COL18A1: variants seen among roughly 807,000 people sequenced by gnomAD.
The protein encoded by COL18A1 is collagen alpha-1(XVIII) chain.
A neutral mutation model predicts 168.0 loss-of-function variants in COL18A1; 133 were observed. The observed-to-expected ratio is 0.79, with a 90% CI of 0.69 to 0.91. The LOEUF (loss-of-function observed/expected upper bound fraction) is 0.91, where lower values mean the gene tolerates loss of function less well. Among genes scored for constraint, COL18A1 ranks in the 40% least tolerant of loss-of-function variants. COL18A1 has a pLI of 0.00. For synonymous variants in COL18A1, 949 were observed against 809.0 expected, an observed-to-expected ratio of 1.17 and a Z score of -2.94; for missense variants, 2,126 against 1,925.4, an observed-to-expected ratio of 1.10 and a Z score of -1.95.
At chr21:45,452,152 C>G (rs950806935) in intron 2 of COL18A1, among the ~76,000 whole-genome samples, 22 of 152,380 alleles carry the variant, frequency 1.4e-4, no homozygotes, top group African/African-American at 5.0e-4. Context: ...CACCCAGATC[C>G]TGGAACGAGC....
intron 2 of COL18A1, among the ~76,000 whole-genome samples, chr21:45,413,582 G>A (rs964877654): frequency 2.0e-5 from 3 of 152,150 alleles, no homozygotes; most frequent in Admixed American, 2.0e-4. Context: ...TTAGCCTCAT[G>A]TGCTGCCTCT....
intron 7 of COL18A1, 59 bp from the exon 8 acceptor site, chr21:45,477,691 G>C: frequency 6.9e-7 from 1 of 1,446,912 alleles, no homozygotes; most frequent in Non-Finnish European, 9.3e-7. Flanking sequence ...AGCGGGACAC[G>C]TGGGCAGGGT....
rs1246653663 is a variant in COL18A1, at chr21:45,423,024, G to T, written c.106+17551G>T. On this transcript the variant is annotated intron_variant, in intron 2 of 41. Transcript: ENST00000651438. The surrounding 1 kb of genome is among the most constrained non-coding windows in gnomAD (Gnocchi z 4.0). Reference sequence around the variant, plus strand: ...AGACAAGGTTTCTCCATGTTGGTCAGGCTGGTCTCTAACTCCCGACCTCAG... The same window carrying T: ...AGACAAGGTTTCTCCATGTTGGTCATGCTGGTCTCTAACTCCCGACCTCAG... 6.6e-6 allele frequency among the ~76,000 whole-genome samples: 1 copy of T among 152,104 alleles called. No homozygotes were observed. Among genetic ancestry groups the T allele is most frequent in the Non-Finnish European group, 1.5e-5 (1 of 68,020 alleles).
Position 45,509,088 on chromosome 21 carries a change from AC to A in COL18A1, c.3250-267del, listed in dbSNP as rs552745686. On this transcript the variant is annotated intron_variant, in intron 38 of 41. Coordinates refer to ENST00000651438, the MANE Select transcript of COL18A1 (RefSeq NM_001379500.1). Reference sequence around the variant, plus strand: ...GGCAAAGGAGAGGGCAGGTCAGGGCACGTGGTGAGTGATTGCTGCGGCTTCT... The same window carrying A: ...GGCAAAGGAGAGGGCAGGTCAGGGCAGTGGTGAGTGATTGCTGCGGCTTCT... Among the ~76,000 whole-genome samples, 240 of 152,238 alleles carry A rather than the reference AC, an allele frequency of 1.6e-3. 1 individual carries two copies. Among genetic ancestry groups the A allele is most frequent in the African/African-American group, 5.0e-3 (209 of 41,534 alleles).
intron 2 of COL18A1, chr21:45,408,695 G>C (rs1038662906): frequency 6.6e-6 from 1 of 151,798 alleles, no homozygotes; most frequent in Non-Finnish European, 1.5e-5. Flanking sequence ...CAGGCAGCTC[G>C]GAGAGAGGGG....
At chr21:45,511,856 GGCGGAGCTGGTTCCTA>G (rs2037631060) in intron 41 of COL18A1, among the ~76,000 whole-genome samples, 1 of 152,216 alleles carries the variant, frequency 6.6e-6, no homozygotes, top group African/African-American at 2.4e-5. Context: ...GAGCCCGGGA[GGCGGAGCTGGTTCCTA>G]GCGAGGCAGC....
At chr21:45,493,102 A>C in intron 24 of COL18A1, 61 bp from the exon 25 acceptor site, 1 of 1,478,632 alleles carries the variant, frequency 6.8e-7, no homozygotes, top group Non-Finnish European at 9.2e-7. Context: ...GAGATGGAGC[A>C]GCCGTCGGGG....
In COL18A1 at chr21:45,496,533, C is replaced by A; in HGVS notation, c.2542C>A (p.Pro848Thr). ...MPGPPGPPGP[P>T]GPPGTPVYDS... ...CGGCCCCCCAGGACCTCCAGGGCCC[C>A]CAGGCCCTCCAGGGACTCCTGTTTA... Residue 848 changes from proline (P) to threonine (T), a missense_variant, in exon 30 of 42, where the codon CCA (proline) becomes ACA (threonine). Coordinates refer to ENST00000651438, the MANE Select transcript of COL18A1 (RefSeq NM_001379500.1). The A allele has an allele frequency of 6.5e-7, 1 of 1,528,540 alleles. No individual in the cohort carries two copies. Among genetic ancestry groups the A allele is most frequent in the South Asian group, 1.1e-5 (1 of 89,472 alleles). The allele number at this position is 1,528,540 out of a possible 1,614,324, so 94.7% of individuals were successfully genotyped here.
intron 37 of COL18A1, chr21:45,507,350 G>C (rs2037274410): frequency 1.6e-6 from 1 of 634,924 alleles, no homozygotes; most frequent in African/African-American, 1.8e-5. Context: ...TGGGCAGGGA[G>C]GGCACCCTGC....
chr21:45,511,020 C>CACG (rs2037565496), intron 40 of COL18A1, 91 bp from the exon 41 acceptor site: 1 of 66,496 alleles, frequency 1.5e-5, no homozygotes, highest in Admixed American at 1.9e-4. Context: ...CCCACACATC[C>CACG]ACACCCCACA....
rs1352733288 is a variant in COL18A1, at chr21:45,482,084, G to A, written c.1674+59G>A. 6 of 1,394,712 alleles carry A rather than the reference G, an allele frequency of 4.3e-6. No homozygotes were observed. The East Asian group carries it at 1.4e-4, about 32-fold the overall frequency. 86.4% of individuals were successfully genotyped at this position (1,394,712 alleles called of 1,614,324 possible). On this transcript the variant is annotated intron_variant, in intron 14 of 41. Coordinates refer to ENST00000651438, the MANE Select transcript of COL18A1 (RefSeq NM_001379500.1). ...ACCAGCACCACACCATGTGGCCCGG[G>A]TCCGGGGGTGCCTGGTGACGCCCGT...
In COL18A1 at chr21:45,504,502, C is replaced by G. The variant is rs766026583; in HGVS notation, c.2814C>G (p.Pro938=). ...GCGGTTTCTTCGGCTCCAGCCTGCCCGGCCCCCCCGGCCCCCCAGGCCCCC... is the reference window on the plus strand; with the variant it reads ...GCGGTTTCTTCGGCTCCAGCCTGCCGGGCCCCCCCGGCCCCCCAGGCCCCC... ...GGGGFFGSSL[P]GPPGPPGPPG... is the part of the protein sequence containing the mutation. Residue 938 remains proline, a synonymous_variant, in exon 34 of 42, where the codon CCC becomes CCG. Coordinates refer to ENST00000651438, the MANE Select transcript of COL18A1 (RefSeq NM_001379500.1). 2.8e-6 allele frequency: 4 copies of G among 1,414,428 alleles called. No individual in the cohort carries two copies. The highest frequency in any genetic ancestry group is 3.7e-6 in the Non-Finnish European group (4 of 1,078,388). The allele number at this position is 1,414,428 out of a possible 1,614,324, so 87.6% of individuals were successfully genotyped here. A position where few individuals can be genotyped will look rare whatever the true frequency, so the allele number is the denominator to read the frequency against.
chr21:45,467,943 A>T (rs886467234), intron 2 of COL18A1, among the ~76,000 whole-genome samples: 1 of 152,160 alleles, frequency 6.6e-6, no homozygotes, highest in Non-Finnish European at 1.5e-5. Context: ...CCCTGCTCAA[A>T]GCATGGAAGG....
chr21:45,478,956 G>A (rs1012757311), intron 9 of COL18A1, among the ~76,000 whole-genome samples: 11 of 152,226 alleles, frequency 7.2e-5, no homozygotes, highest in East Asian at 1.9e-4. Flanking sequence ...CCCACCGAAC[G>A]GTCATTACCG....
At position 45,490,777 on chromosome 21, in the gene COL18A1, G is replaced by GT; in HGVS notation, c.2032-59_2032-58insT. The GT allele has an allele frequency of 2.0e-6, 3 of 1,519,386 alleles. No individual in the cohort carries two copies. In the South Asian group the frequency reaches 3.6e-5, roughly 18 times the overall value. The allele number at this position is 1,519,386 out of a possible 1,614,324, so 94.1% of individuals were successfully genotyped here. The stretch of plus-strand genomic sequence containing the variant: ...CATCTTCATCAGAGCCATCCCTCAC[G>GT]GGGGGCCAGGGGCTCCTGTTTCTGT... On this transcript the variant is annotated intron_variant, in intron 20 of 41. Transcript: ENST00000651438.
intron 8 of COL18A1, 107 bp downstream of exon 8, chr21:45,478,072 G>T: frequency 1.3e-6 from 1 of 764,466 alleles, no homozygotes; most frequent in Non-Finnish European, 2.2e-6. Flanking sequence ...CTGGGATCGG[G>T]GCAGGTCAGC....
At chr21:45,503,051 A>G (rs1054565061) in intron 32 of COL18A1, 6 of 152,204 alleles carry the variant, frequency 3.9e-5, no homozygotes, top group African/African-American at 1.4e-4. Flanking sequence ...GTGTCTTTAT[A>G]GCAGCATGAT....
chr21:45,424,987 T>G (rs1389840323), intron 2 of COL18A1: 1 of 152,270 alleles, frequency 6.6e-6, no homozygotes, highest in Non-Finnish European at 1.5e-5. Flanking sequence ...CAGAACTTTC[T>G]TCAGATCTCT....
chr21:45,430,143 C>T (rs372060720), intron 2 of COL18A1, among the ~76,000 whole-genome samples: 4,075 of 120,868 alleles, frequency 0.034, 162 homozygotes, highest in African/African-American at 0.13. Context: ...CGCCCTCTCG[C>T]CCTCGCCTGC....
Sources: allele counts gnomAD v4.1 joint callset (sites outside exome capture counted in the v4.1 genomes callset), GRCh38; gene constraint gnomAD v4.1.1; non-coding constraint Gnocchi (gnomAD v3.1); transcripts MANE v1.5; gene names NCBI Gene and HGNC (gene_info 2026-07-23, HGNC 2026-07-21).